KAZN: variants seen among roughly 807,000 people sequenced by gnomAD.
The protein encoded by KAZN is kazrin, periplakin interacting protein.
KAZN carries 40 observed loss-of-function variants against 87.4 expected under a neutral mutation model. That is an observed-to-expected ratio of 0.46 (90% CI 0.36 to 0.60). KAZN has a LOEUF of 0.60. KAZN is among the 20% of genes least tolerant of loss of function. KAZN has a pLI of 0.00. For missense variants in KAZN, 898 were observed against 1,073.9 expected, an observed-to-expected ratio of 0.84 and a Z score of 2.29; for synonymous variants, 466 against 458.3, an observed-to-expected ratio of 1.02 and a Z score of -0.22.
intron 2 of KAZN, among the ~76,000 whole-genome samples, chr1:14,196,839 A>G (rs1239389980): frequency 2.6e-5 from 4 of 152,056 alleles, no homozygotes; most frequent in Non-Finnish European, 4.4e-5. Context: ...AAAGCTGGGA[A>G]GGCGAGGAAG....
chr1:13,949,904 T>A (rs960071054), intron 1 of KAZN, among the ~76,000 whole-genome samples: 1 of 152,192 alleles, frequency 6.6e-6, no homozygotes, highest in Non-Finnish European at 1.5e-5. Context: ...GGATTCCCAC[T>A]GCAACTGTTG....
At chr1:14,445,030 CT>C (rs34113310) in intron 2 of KAZN, among the ~76,000 whole-genome samples, 73,391 of 145,882 alleles carry the variant, frequency 0.5, 18,919 homozygotes, top group African/African-American at 0.66. Flanking sequence ...AACCCGTGTG[CT>C]TTTTTTTTTT....
intron 1 of KAZN, among the ~76,000 whole-genome samples, chr1:13,937,472 G>A (rs1640783373): frequency 6.6e-6 from 1 of 152,168 alleles, no homozygotes; most frequent in Admixed American, 6.5e-5. Context: ...CCATTGCATA[G>A]GTTGTCTGTT....
intron 2 of KAZN, among the ~76,000 whole-genome samples, chr1:14,383,150 A>G (rs961758769): frequency 2.6e-5 from 4 of 152,018 alleles, no homozygotes; most frequent in East Asian, 1.9e-4. Flanking sequence ...TCCTTCATCC[A>G]CTTTTTGATG....
chr1:14,305,054 A>G (rs749583619), intron 2 of KAZN, among the ~76,000 whole-genome samples: 1 of 151,808 alleles, frequency 6.6e-6, no homozygotes, highest in Non-Finnish European at 1.5e-5. Flanking sequence ...TTTTCCACAT[A>G]CTCACACATC....
intron 1 of KAZN, among the ~76,000 whole-genome samples, chr1:13,944,804 GATAAA>G (rs1310059219): frequency 2.0e-5 from 3 of 151,916 alleles, no homozygotes; most frequent in Non-Finnish European, 4.4e-5. Context: ...GACAAGAAAA[GATAAA>G]ATAAGCAACA....
chr1:13,945,710 T>TGTGTGTGAGA (rs757118365), intron 1 of KAZN, among the ~76,000 whole-genome samples: 165 of 137,252 alleles, frequency 1.2e-3, no homozygotes, highest in Middle Eastern at 3.7e-3. Flanking sequence ...TGTGTGTGTG[T>TGTGTGTGAGA]GAGAGAGAGA....
At chr1:14,255,119 C>CAAAAAAAAAA (rs71570191) in intron 2 of KAZN, among the ~76,000 whole-genome samples, 3 of 83,730 alleles carry the variant, frequency 3.6e-5, no homozygotes, top group African/African-American at 3.9e-5. Flanking sequence ...GACTCTGTCT[C>CAAAAAAAAAA]AAAAAAAAAA....
intron 1 of KAZN, among the ~76,000 whole-genome samples, chr1:14,606,813 T>A (rs1221262054): frequency 1.3e-5 from 2 of 152,188 alleles, no homozygotes; most frequent in Admixed American, 1.3e-4. Context: ...ATTCCTGGCC[T>A]CTACCCACTA....
Position 14,102,712 on chromosome 1 carries a change from C to A in KAZN, c.92-77723C>A, listed in dbSNP as rs61775676. Among the ~76,000 whole-genome samples the A allele has an allele frequency of 3.3e-5, 5 of 152,082 alleles. No homozygotes were observed. In the South Asian group the frequency reaches 1.0e-3, roughly 32 times the overall value. ...CCCCGTGTATTAGCTCTTATGGCTG[C>A]GGTGCTAGGGGTGCCATAACCGCAC... On this transcript the variant is annotated intron_variant, in intron 1 of 16. Coordinates refer to the KAZN transcript ENST00000636203.
intron 5 of KAZN, among the ~76,000 whole-genome samples, chr1:15,058,237 T>C (rs1030526130): frequency 6.6e-6 from 1 of 152,196 alleles, no homozygotes; most frequent in African/African-American, 2.4e-5. Context: ...ACCACTGGCA[T>C]CCATCCCCAT....
At chr1:14,213,021 T>C (rs1646887391) in intron 2 of KAZN, among the ~76,000 whole-genome samples, 1 of 152,210 alleles carries the variant, frequency 6.6e-6, no homozygotes, top group Non-Finnish European at 1.5e-5. Context: ...AAATGTACAC[T>C]CCACTTTTCA....
At chr1:14,729,277 T>C (rs564391972) in intron 1 of KAZN, among the ~76,000 whole-genome samples, 1 of 152,300 alleles carries the variant, frequency 6.6e-6, no homozygotes, top group South Asian at 2.1e-4. Flanking sequence ...ACCCTTGCTA[T>C]CTGGTTGTGT....
intron 2 of KAZN, among the ~76,000 whole-genome samples, chr1:15,015,245 C>T (rs561911220): frequency 2.0e-5 from 3 of 152,056 alleles, no homozygotes; most frequent in Non-Finnish European, 1.5e-5. Flanking sequence ...CTCTGCCTCC[C>T]AGGTTCAAGC....
chr1:14,857,954 C>G (rs979506368), intron 1 of KAZN, among the ~76,000 whole-genome samples: 1 of 152,156 alleles, frequency 6.6e-6, no homozygotes, highest in African/African-American at 2.4e-5. Context: ...GTAGTCATTT[C>G]TTATCCTCCC....
chr1:14,958,400 G>A (rs903654690), intron 1 of KAZN, among the ~76,000 whole-genome samples: 1 of 102,618 alleles, frequency 9.7e-6, no homozygotes, highest in African/African-American at 3.0e-5. Flanking sequence ...AGCACTTCCT[G>A]TGTACATGGA....
At chr1:14,915,363 CA>C (rs1182025632) in intron 1 of KAZN, among the ~76,000 whole-genome samples, 1 of 152,176 alleles carries the variant, frequency 6.6e-6, no homozygotes, top group African/African-American at 2.4e-5. Flanking sequence ...GCTCAGTAAA[CA>C]GTAACTGTTA....
intron 1 of KAZN, among the ~76,000 whole-genome samples, chr1:14,929,165 GCTAC>G (rs1452549483): frequency 6.6e-6 from 1 of 152,222 alleles, no homozygotes; most frequent in Non-Finnish European, 1.5e-5. Flanking sequence ...GGGGCCTGAT[GCTAC>G]CCATGCCATA....
intron 2 of KAZN, among the ~76,000 whole-genome samples, chr1:14,486,058 G>A (rs192129777): frequency 8.8e-4 from 134 of 152,136 alleles, no homozygotes; most frequent in African/African-American, 3.1e-3. Context: ...TTCTACCTCT[G>A]GCTTTCCCTT....
Sources: gnomAD v4.1 joint callset for allele counts (sites outside exome capture counted in the v4.1 genomes callset) on GRCh38, gnomAD v4.1.1 for gene constraint, MANE v1.5 for transcripts, NCBI Gene and HGNC (gene_info 2026-07-23, HGNC 2026-07-21) for gene names.